SYT9: variants seen among roughly 807,000 people sequenced by gnomAD.
The protein encoded by SYT9 is synaptotagmin 9.
A neutral mutation model predicts 48.4 loss-of-function variants in SYT9; 22 were observed. The ratio of observed to expected loss-of-function variants is 0.45; its 90% CI spans 0.32 to 0.65. The LOEUF (loss-of-function observed/expected upper bound fraction) is 0.65. Among genes scored for constraint, SYT9 ranks in the 30% least tolerant of loss-of-function variants. The probability of loss-of-function intolerance (pLI) is 0.03; values close to 1 mark genes in which losing one functional copy is unlikely to be tolerated. For synonymous variants in SYT9, 265 were observed against 245.0 expected, an observed-to-expected ratio of 1.08 and a Z score of -0.76; for missense variants, 577 against 622.0, an observed-to-expected ratio of 0.93 and a Z score of 0.77.
chr11:7,276,231 T>C lies in SYT9; in HGVS notation c.145+23900T>C, dbSNP rs192300133. ...TCCAACAGTCACCAGTTCCCGCCAG[T>C]TTTATCTCGTAATAATTTCTCAGAT... On this transcript the variant is annotated intron_variant, in intron 1 of 6. Transcript: ENST00000318881. 3.7e-4 allele frequency among the ~76,000 whole-genome samples: 56 copies of C among 152,292 alleles called. No homozygotes were observed. In the East Asian group the frequency reaches 9.8e-3, roughly 27 times the overall value.
rs35502843 is a variant in SYT9 at position 7,367,072 on chromosome 11, C to CTTTTTTT, written c.1045-48950_1045-48944dup. Among the ~76,000 whole-genome samples, 186 of 53,258 alleles carry CTTTTTTT rather than the reference C, an allele frequency of 3.5e-3. 14 individuals carry two copies. The highest frequency in any genetic ancestry group is 0.011 in the African/African-American group (164 of 15,600). 34.9% of individuals were successfully genotyped at this position (53,258 alleles called of 152,430 possible). A position where few individuals can be genotyped will look rare whatever the true frequency, so the allele number is the denominator to read the frequency against. The stretch of plus-strand genomic sequence containing the variant: ...ATTACCCTTCTTTCCAGGAGACCAT[C>CTTTTTTT]TTTTTTTTTTTTTTTTTTTTTTTTT... On this transcript the variant is annotated intron_variant, in intron 3 of 6. Coordinates refer to ENST00000318881, the MANE Select transcript of SYT9 (RefSeq NM_175733.4).
At chr11:7,465,188 C>T (rs1848309890) in intron 6 of SYT9, among the ~76,000 whole-genome samples, 1 of 152,184 alleles carries the variant, frequency 6.6e-6, no homozygotes. Context: ...ATCATTCAGT[C>T]TTTCTTCCTA....
chr11:7,321,672 A>T (rs748133218), intron 3 of SYT9, among the ~76,000 whole-genome samples: 14 of 152,180 alleles, frequency 9.2e-5, no homozygotes, highest in Non-Finnish European at 2.1e-4. Flanking sequence ...GGTAACTCAT[A>T]GGCAGTGTGC....
chr11:7,380,963 C>A (rs1308814587), intron 3 of SYT9, among the ~76,000 whole-genome samples: 1 of 152,156 alleles, frequency 6.6e-6, no homozygotes, highest in Admixed American at 6.5e-5. Flanking sequence ...TGATTCTGTA[C>A]TCCAGTGTAC....
chr11:7,379,368 C>A (rs1177705193), intron 3 of SYT9, among the ~76,000 whole-genome samples: 1 of 152,130 alleles, frequency 6.6e-6, no homozygotes, highest in Non-Finnish European at 1.5e-5. Flanking sequence ...TTCCCATATC[C>A]CCTTTTAAAG....
chr11:7,382,507 C>A (rs1365976868), intron 3 of SYT9, among the ~76,000 whole-genome samples: 1 of 151,996 alleles, frequency 6.6e-6, no homozygotes, highest in Admixed American at 6.6e-5. Flanking sequence ...AAATTAGCTC[C>A]ATTTTCAAAA....
At chr11:7,360,620 A>C (rs1013597441) in intron 3 of SYT9, among the ~76,000 whole-genome samples, 4 of 152,164 alleles carry the variant, frequency 2.6e-5, no homozygotes, top group African/African-American at 7.2e-5. Flanking sequence ...AGCAATTGTG[A>C]ATGGGAGTTC....
At chr11:7,385,464 C>T (rs1343450666) in intron 3 of SYT9, among the ~76,000 whole-genome samples, 1 of 151,806 alleles carries the variant, frequency 6.6e-6, no homozygotes, top group South Asian at 2.1e-4. Context: ...CTATAGAGGA[C>T]AACATTTTAG....
At chr11:7,386,152 T>C (rs988454257) in intron 3 of SYT9, among the ~76,000 whole-genome samples, 3 of 152,180 alleles carry the variant, frequency 2.0e-5, no homozygotes, top group Admixed American at 2.0e-4. Flanking sequence ...TTTATTTGTT[T>C]AACCTGTTTT....
chr11:7,303,647 G>A (rs1467360932), intron 2 of SYT9, among the ~76,000 whole-genome samples: 1 of 152,118 alleles, frequency 6.6e-6, no homozygotes, highest in Non-Finnish European at 1.5e-5. Flanking sequence ...TTTTATTATA[G>A]CTCACAACTT....
At chr11:7,328,100 T>TAA (rs376978426) in intron 3 of SYT9, among the ~76,000 whole-genome samples, 12 of 80,496 alleles carry the variant, frequency 1.5e-4, no homozygotes, top group African/African-American at 5.7e-4. Context: ...ATAATAATAA[T>TAA]TTTAAAAAAA....
chr11:7,340,477 A>C (rs1021079728), intron 3 of SYT9, among the ~76,000 whole-genome samples: 1 of 152,074 alleles, frequency 6.6e-6, no homozygotes, highest in Non-Finnish European at 1.5e-5. Context: ...GTTCTTTCTC[A>C]TCTCTGCATG....
chr11:7,392,745 A>AT (rs1846655240), intron 3 of SYT9, among the ~76,000 whole-genome samples: 1 of 151,854 alleles, frequency 6.6e-6, no homozygotes, highest in Non-Finnish European at 1.5e-5. Context: ...AGCATGGAAT[A>AT]TTTTTTCATT....
At chr11:7,434,066 A>G (rs1171941535) in intron 6 of SYT9, among the ~76,000 whole-genome samples, 1 of 152,156 alleles carries the variant, frequency 6.6e-6, no homozygotes, top group East Asian at 1.9e-4. Context: ...TGTTAGTGCT[A>G]TTCTCAATTC....
chr11:7,432,030 G>A (rs987321293), intron 6 of SYT9, among the ~76,000 whole-genome samples: 4 of 152,182 alleles, frequency 2.6e-5, no homozygotes, highest in East Asian at 1.9e-4. Context: ...ACTATGAGAA[G>A]GGGGCCACCA....
At chr11:7,417,541 A>C (rs1312508140) in intron 4 of SYT9, among the ~76,000 whole-genome samples, 1 of 152,168 alleles carries the variant, frequency 6.6e-6, no homozygotes, top group East Asian at 1.9e-4. Context: ...TCAGAAATTC[A>C]GAGTCTAGGA....
chr11:7,317,864 A>G (rs1849268937), intron 3 of SYT9, among the ~76,000 whole-genome samples: 1 of 152,212 alleles, frequency 6.6e-6, no homozygotes. Context: ...CTATTGTTCT[A>G]TGATAAGCCT....
intron 6 of SYT9, among the ~76,000 whole-genome samples, chr11:7,449,522 G>A (rs529314016): frequency 6.6e-6 from 1 of 152,154 alleles, no homozygotes; most frequent in Non-Finnish European, 1.5e-5. Context: ...GAAGGATTAA[G>A]GATGTAGGGG....
chr11:7,362,473 G>A (rs1850159523), intron 3 of SYT9, among the ~76,000 whole-genome samples: 1 of 151,932 alleles, frequency 6.6e-6, no homozygotes, highest in African/African-American at 2.4e-5. Flanking sequence ...TCCAGAAATG[G>A]TCACTGATCA....
Sources: allele counts gnomAD v4.1 joint callset (sites outside exome capture counted in the v4.1 genomes callset), GRCh38; gene constraint gnomAD v4.1.1; transcripts MANE v1.5; gene names NCBI Gene and HGNC (gene_info 2026-07-23, HGNC 2026-07-21).